RAB22A: variants seen among roughly 807,000 people sequenced by gnomAD.
The protein encoded by RAB22A is RAB22A, member RAS oncogene family.
RAB22A carries 13 observed loss-of-function variants against 30.2 expected under a neutral mutation model. That is an observed-to-expected ratio of 0.43 (90% CI 0.28 to 0.68). The LOEUF is 0.68. Ranked by LOEUF, RAB22A falls within the 30% of genes least tolerant of loss-of-function variation. RAB22A has a pLI of 0.18. For synonymous variants in RAB22A, 89 were observed against 87.2 expected (o/e 1.02, Z -0.11); for missense variants, 177 against 246.8 (o/e 0.72, Z 1.89).
Position 58,359,592 on chromosome 20 carries a change from T to C in RAB22A, c.488-14T>C. ...TTAAAGCTCACTCCCTTCCCTTTTCTCATCTTGGTTTAGGTCGAAGAATTC... is the reference window on the plus strand; with the variant it reads ...TTAAAGCTCACTCCCTTCCCTTTTCCCATCTTGGTTTAGGTCGAAGAATTC... On this transcript the variant is annotated splice_polypyrimidine_tract_variant and intron_variant, in intron 6 of 6. Coordinates refer to ENST00000244040, the MANE Select transcript of RAB22A (RefSeq NM_020673.3). 3 of 1,580,598 alleles carry C rather than the reference T, an allele frequency of 1.9e-6. No homozygotes were observed. The highest frequency in any genetic ancestry group is 2.6e-6 in the Non-Finnish European group (3 of 1,151,748).
rs1014976400 is a variant in RAB22A, at chr20:58,360,280, G to A, written c.*577G>A. The A allele has an allele frequency of 2.6e-5, 4 of 152,622 alleles. No individual in the cohort carries two copies. The highest frequency in any genetic ancestry group is 5.9e-5 in the Non-Finnish European group (4 of 68,034). 9.5% of individuals were successfully genotyped at this position (152,622 alleles called of 1,614,324 possible). Reference sequence around the variant, plus strand: ...CATTGAACATGTTAGCCTAGGATACGTACAGTAAATTAACAATGATAGCAG... The same window carrying A: ...CATTGAACATGTTAGCCTAGGATACATACAGTAAATTAACAATGATAGCAG... On this transcript the variant is annotated 3_prime_UTR_variant, in exon 7 of 7. Transcript: ENST00000244040.
At chr20:58,314,053 C>CTT (rs3069356) in intron 2 of RAB22A, among the ~76,000 whole-genome samples, 3,822 of 145,828 alleles carry the variant, frequency 0.026, 64 homozygotes, top group Non-Finnish European at 0.032. Context: ...TATTCTTTTT[C>CTT]TTTTTTTTTT....
At chr20:58,344,273 A>G (rs1986906772) in intron 3 of RAB22A, among the ~76,000 whole-genome samples, 1 of 152,248 alleles carries the variant, frequency 6.6e-6, no homozygotes, top group Non-Finnish European at 1.5e-5. Context: ...TACTTAATAA[A>G]TGCCTGATGA....
chr20:58,342,439 A>G (rs1209741912), intron 2 of RAB22A, among the ~76,000 whole-genome samples: 1 of 152,190 alleles, frequency 6.6e-6, no homozygotes, highest in Non-Finnish European at 1.5e-5. Context: ...AAGTTTTAAA[A>G]CTAAGGATTC....
chr20:58,313,595 C>T lies in RAB22A; in HGVS notation c.116+2473C>T, dbSNP rs141995209. Among the ~76,000 whole-genome samples the T allele has an allele frequency of 2.3e-3, 347 of 152,302 alleles. 1 individual carries two copies. The highest frequency in any genetic ancestry group is 7.7e-3 in the African/African-American group (320 of 41,554). On this transcript the variant is annotated intron_variant, in intron 2 of 6. Coordinates refer to ENST00000244040, the MANE Select transcript of RAB22A (RefSeq NM_020673.3). The stretch of plus-strand genomic sequence containing the variant: ...AACTGCTGCTCACTCTTCAGCCCTC[C>T]GTCATCTCAGCTCCTCCCTGCCATG...
At chr20:58,356,655 C>A (rs1326825132) in intron 6 of RAB22A, among the ~76,000 whole-genome samples, 1 of 152,222 alleles carries the variant, frequency 6.6e-6, no homozygotes, top group East Asian at 1.9e-4. Context: ...CGGTAACCAT[C>A]CTGATACTAA....
chr20:58,359,253 T>C (rs1056635283), intron 6 of RAB22A, among the ~76,000 whole-genome samples: 2 of 152,062 alleles, frequency 1.3e-5, no homozygotes, highest in African/African-American at 4.8e-5. Context: ...GTTTACTAAG[T>C]GCTGTGTGAT....
Position 58,311,401 on chromosome 20 carries a change from A to G in RAB22A, c.116+279A>G, listed in dbSNP as rs116006234. 9.3e-3 allele frequency among the ~76,000 whole-genome samples: 1,416 copies of G among 152,328 alleles called. 23 individuals carry two copies. The highest frequency in any genetic ancestry group is 0.031 in the Middle Eastern group (9 of 294). On this transcript the variant is annotated intron_variant, in intron 2 of 6. Transcript: ENST00000244040. ...ACAGAAGCTTCGGTCTATAAATATC[A>G]ACAGCAATTACACCTTGAAATAAGG...
chr20:58,314,846 A>C (rs1323534099), intron 2 of RAB22A, among the ~76,000 whole-genome samples: 1 of 152,142 alleles, frequency 6.6e-6, no homozygotes, highest in Non-Finnish European at 1.5e-5. Flanking sequence ...ATCTCAAAAA[A>C]AAAAGAAAAG....
intron 2 of RAB22A, among the ~76,000 whole-genome samples, chr20:58,315,485 G>C (rs1986317912): frequency 6.6e-6 from 1 of 152,108 alleles, no homozygotes; most frequent in South Asian, 2.1e-4. Context: ...ATGCTCCCTA[G>C]ACTTAGGGCC....
intron 2 of RAB22A, among the ~76,000 whole-genome samples, chr20:58,327,043 A>G (rs75854097): frequency 0.016 from 2,417 of 152,276 alleles, 27 homozygotes; most frequent in Non-Finnish European, 0.02. Context: ...ACAGTCGCTT[A>G]TACCTGTAAT....
In RAB22A at chr20:58,359,495, C is replaced by CTTT. The variant is rs3069388; in HGVS notation, c.488-95_488-93dup. 1,615 of 332,708 alleles carry CTTT rather than the reference C, an allele frequency of 4.9e-3. 5 individuals carry two copies. The highest frequency in any genetic ancestry group is 1.0e-2 in the South Asian group (195 of 19,576). 20.6% of individuals were successfully genotyped at this position (332,708 alleles called of 1,614,324 possible). The stretch of plus-strand genomic sequence containing the variant: ...ATTCGAGTATAAAAAGTTTATTAAA[C>CTTT]TTTTTTTTTTTTTTTTTTACTTCAG... On this transcript the variant is annotated intron_variant, in intron 6 of 6. Coordinates refer to ENST00000244040, the MANE Select transcript of RAB22A (RefSeq NM_020673.3).
chr20:58,333,307 A>AAATAAATAAATAAATAAATCAATC (rs1193519347), intron 2 of RAB22A, among the ~76,000 whole-genome samples: 1 of 151,538 alleles, frequency 6.6e-6, no homozygotes, highest in African/African-American at 2.4e-5. Flanking sequence ...ATAAATAAAT[A>AAATAAATAAATAAATAAATCAATC]AATCCCGCCA....
intron 3 of RAB22A, among the ~76,000 whole-genome samples, chr20:58,344,852 T>C (rs1187575671): frequency 6.6e-6 from 1 of 152,212 alleles, no homozygotes; most frequent in African/African-American, 2.4e-5. Flanking sequence ...TTAAGTTTGC[T>C]CTGTTTGGTT....
intron 3 of RAB22A, among the ~76,000 whole-genome samples, chr20:58,346,921 G>A (rs1986959505): frequency 6.6e-6 from 1 of 152,154 alleles, no homozygotes; most frequent in Non-Finnish European, 1.5e-5. Flanking sequence ...AGCTCCTTGA[G>A]GGCAAGGACT....
chr20:58,362,383 C>T lies in RAB22A; in HGVS notation c.*2680C>T, dbSNP rs75801958. Reference sequence around the variant, plus strand: ...TTTCATATTTTCTTTATAATAATTTCTTATGGAGAAGAGGCTATATTTCAA... The same window carrying T: ...TTTCATATTTTCTTTATAATAATTTTTTATGGAGAAGAGGCTATATTTCAA... On this transcript the variant is annotated 3_prime_UTR_variant, in exon 7 of 7. Coordinates refer to ENST00000244040, the MANE Select transcript of RAB22A (RefSeq NM_020673.3). 13 of 152,112 alleles carry T rather than the reference C, an allele frequency of 8.5e-5. No homozygotes were observed. The highest frequency in any genetic ancestry group is 2.9e-4 in the African/African-American group (12 of 41,428). 9.4% of individuals were successfully genotyped at this position (152,112 alleles called of 1,614,324 possible). A position where few individuals can be genotyped will look rare whatever the true frequency, so the allele number is the denominator to read the frequency against.
At chr20:58,353,625 T>G in intron 5 of RAB22A, 87 bp downstream of exon 5, 1 of 1,139,174 alleles carries the variant, frequency 8.8e-7, no homozygotes, top group Non-Finnish European at 1.3e-6. Context: ...CTTGCTTTTA[T>G]TTTATCTCTG....
chr20:58,333,651 A>G lies in RAB22A; in HGVS notation c.117-10067A>G, dbSNP rs1394281303. On this transcript the variant is annotated intron_variant, in intron 2 of 6. Transcript: ENST00000244040. ...AGTCTTACATTGTTCATGAAATAGT[A>G]TAATATTTGGAAGTAGATTGAAATT... Among the ~76,000 whole-genome samples, 3 of 152,212 alleles carry G rather than the reference A, an allele frequency of 2.0e-5. 1 individual carries two copies. Among genetic ancestry groups the G allele is most frequent in the Non-Finnish European group, 4.4e-5 (3 of 68,036 alleles).
chr20:58,329,122 C>T (rs1426865408), intron 2 of RAB22A, among the ~76,000 whole-genome samples: 2 of 149,864 alleles, frequency 1.3e-5, no homozygotes, highest in East Asian at 2.0e-4. Context: ...GGCGCTATCT[C>T]GGCTCACTGC....
Sources: gnomAD v4.1 joint callset for allele counts (sites outside exome capture counted in the v4.1 genomes callset) on GRCh38, gnomAD v4.1.1 for gene constraint, MANE v1.5 for transcripts, NCBI Gene and HGNC (gene_info 2026-07-23, HGNC 2026-07-21) for gene names.